The following ADAMTS17 variants were observed in gnomAD, a reference collection of about 807,000 sequenced individuals.
ADAMTS17 encodes ADAM metallopeptidase with thrombospondin type 1 motif 17.
In ADAMTS17, 113 loss-of-function variants were observed where a neutral mutation model predicts 141.5. The ratio of observed to expected loss-of-function variants is 0.80; its 90% CI spans 0.69 to 0.93. The LOEUF (loss-of-function observed/expected upper bound fraction) is 0.93. Ranked by LOEUF, ADAMTS17 falls within the 40% of genes least tolerant of loss-of-function variation. ADAMTS17 has a pLI of 0.00. For missense variants in ADAMTS17, 1,659 were observed against 1,517.9 expected (o/e 1.09, Z -1.54); for synonymous variants, 768 against 630.6 (o/e 1.22, Z -3.27).
chr15:100,117,451 T>G (rs2037210385), intron 12 of ADAMTS17, among the ~76,000 whole-genome samples: 1 of 152,076 alleles, frequency 6.6e-6, no homozygotes, highest in Non-Finnish European at 1.5e-5. Context: ...TCAGGATGAG[T>G]AAATACATAG....
At chr15:100,134,234 C>T (rs770420320) in intron 10 of ADAMTS17, among the ~76,000 whole-genome samples, 7 of 152,200 alleles carry the variant, frequency 4.6e-5, no homozygotes, top group Non-Finnish European at 7.3e-5. Flanking sequence ...GGGATGGCCC[C>T]GCTGCCGACA....
At chr15:100,044,273 C>T (rs1227253024) in intron 18 of ADAMTS17, among the ~76,000 whole-genome samples, 1 of 152,208 alleles carries the variant, frequency 6.6e-6, no homozygotes. Context: ...TCTCTCTCCT[C>T]TCCTTCTGTG....
In ADAMTS17 at chr15:100,247,079, G is replaced by T. The variant is rs144798430; in HGVS notation, c.1075+7057C>A. Among the ~76,000 whole-genome samples the T allele has an allele frequency of 1.5e-3, 230 of 152,030 alleles. 2 individuals carry two copies. The highest frequency in any genetic ancestry group is 4.8e-3 in the African/African-American group (197 of 41,466). ...TTTGTATTTTTTTTGTAGGGACAGG[G>T]TTTTGCCATGTTGGCCGGGCTAGTC... On this transcript the variant is annotated intron_variant, in intron 7 of 21. Coordinates refer to ENST00000268070, the MANE Select transcript of ADAMTS17 (RefSeq NM_139057.4).
chr15:100,010,415 C>A (rs2061140124), intron 18 of ADAMTS17, among the ~76,000 whole-genome samples: 1 of 152,222 alleles, frequency 6.6e-6, no homozygotes, highest in African/African-American at 2.4e-5. Context: ...CTCCGTGGTG[C>A]AGGACCAGGG....
intron 15 of ADAMTS17, among the ~76,000 whole-genome samples, chr15:100,056,354 C>G (rs2032563723): frequency 1.3e-5 from 2 of 148,986 alleles, no homozygotes; most frequent in African/African-American, 2.5e-5. Context: ...GGCCAGAGTC[C>G]TTTAAGACAG....
chr15:100,089,599 T>C (rs1277056574), intron 15 of ADAMTS17, among the ~76,000 whole-genome samples: 3 of 151,732 alleles, frequency 2.0e-5, no homozygotes, highest in Non-Finnish European at 4.4e-5. Context: ...CCAACAGTGA[T>C]TGACTGGATT....
At chr15:100,247,880 A>G (rs1290843436) in intron 7 of ADAMTS17, among the ~76,000 whole-genome samples, 1 of 151,858 alleles carries the variant, frequency 6.6e-6, no homozygotes, top group Non-Finnish European at 1.5e-5. Context: ...GGCCAGCAAT[A>G]TCCCCCACCC....
intron 8 of ADAMTS17, among the ~76,000 whole-genome samples, chr15:100,198,400 G>C (rs2041200861): frequency 6.6e-6 from 1 of 152,132 alleles, no homozygotes; most frequent in African/African-American, 2.4e-5. Context: ...GTAAAAACTA[G>C]AGTTAACACT....
At chr15:100,091,010 C>CAACAAAAAAAAAAAAAAAAAAAA in intron 15 of ADAMTS17, among the ~76,000 whole-genome samples, 1 of 54,612 alleles carries the variant, frequency 1.8e-5, no homozygotes, top group Non-Finnish European at 3.7e-5. Context: ...TCCGTCTCAA[C>CAACAAAAAAAAAAAAAAAAAAAA]AAAAAAAAAA....
At chr15:100,095,753 G>A (rs970158503) in intron 15 of ADAMTS17, among the ~76,000 whole-genome samples, 2 of 152,056 alleles carry the variant, frequency 1.3e-5, no homozygotes, top group African/African-American at 4.8e-5. Flanking sequence ...AAAGCAGCCT[G>A]CAGCTGCAAA....
chr15:100,191,497 C>A (rs1022720716), intron 8 of ADAMTS17, among the ~76,000 whole-genome samples: 8 of 152,226 alleles, frequency 5.3e-5, no homozygotes, highest in Admixed American at 3.9e-4. Flanking sequence ...TGGCTGAGAT[C>A]CTCTTTGGAA....
chr15:100,033,399 C>A (rs1234276474), intron 18 of ADAMTS17, among the ~76,000 whole-genome samples: 2 of 152,222 alleles, frequency 1.3e-5, no homozygotes, highest in Non-Finnish European at 2.9e-5. Context: ...TGGCTTTTCC[C>A]AGTACACAGG....
intron 7 of ADAMTS17, among the ~76,000 whole-genome samples, chr15:100,251,131 T>C (rs372400080): frequency 6.6e-6 from 1 of 151,682 alleles, no homozygotes; most frequent in African/African-American, 2.4e-5. Flanking sequence ...TGAAAATCAC[T>C]GAGGTATTAG....
At chr15:100,198,058 G>A (rs944551291) in intron 8 of ADAMTS17, among the ~76,000 whole-genome samples, 43 of 152,146 alleles carry the variant, frequency 2.8e-4, no homozygotes, top group African/African-American at 1.0e-3. Context: ...AGCATTAGGA[G>A]AAATACCTAA....
chr15:100,284,657 C>G (rs796077054), intron 3 of ADAMTS17, among the ~76,000 whole-genome samples: 1 of 152,312 alleles, frequency 6.6e-6, no homozygotes, highest in East Asian at 1.9e-4. Flanking sequence ...ACTCCCTCAG[C>G]AGAGACCCAC....
At chr15:100,199,484 C>T in intron 7 of ADAMTS17, 61 bp from the exon 8 acceptor site, 2 of 1,392,022 alleles carry the variant, frequency 1.4e-6, no homozygotes, top group Admixed American at 1.7e-5. Context: ...TCTCACCGGG[C>T]AAGTCCGCAC....
chr15:100,105,640 A>T (rs1320535286), intron 14 of ADAMTS17, among the ~76,000 whole-genome samples: 3 of 152,118 alleles, frequency 2.0e-5, no homozygotes, highest in Non-Finnish European at 4.4e-5. Flanking sequence ...AGAGCTCATG[A>T]ATGTGCTGGT....
intron 18 of ADAMTS17, among the ~76,000 whole-genome samples, chr15:100,010,787 G>C (rs2061150856): frequency 6.6e-6 from 1 of 152,198 alleles, no homozygotes; most frequent in Non-Finnish European, 1.5e-5. Flanking sequence ...GACTTTACTA[G>C]CTGGGCTGCA....
intron 12 of ADAMTS17, chr15:100,128,634 T>G (rs990885921): frequency 3.3e-5 from 5 of 152,056 alleles, no homozygotes; most frequent in Non-Finnish European, 7.4e-5. Flanking sequence ...GAGTGAAAGA[T>G]TTTCACAACT....
Sources: gnomAD v4.1 joint callset for allele counts (sites outside exome capture counted in the v4.1 genomes callset) on GRCh38, gnomAD v4.1.1 for gene constraint, MANE v1.5 for transcripts, NCBI Gene and HGNC (gene_info 2026-07-23, HGNC 2026-07-21) for gene names.